Variants in CSMD1 observed in about 807,000 individuals in gnomAD.
The protein encoded by CSMD1 is CUB and sushi domain-containing protein 1.
CSMD1 carries 213 observed loss-of-function variants against 417.5 expected under a neutral mutation model. That is an observed-to-expected ratio of 0.51 (90% CI 0.46 to 0.57). The LOEUF is 0.57. CSMD1 is among the 20% of genes least tolerant of loss of function. CSMD1 has a pLI of 0.00. For synonymous variants in CSMD1, 2,862 were observed against 1,736.8 expected, an observed-to-expected ratio of 1.65 and a Z score of -16.11; for missense variants, 6,923 against 4,529.7, an observed-to-expected ratio of 1.53 and a Z score of -15.17.
At chr8:4,666,085 C>T (rs1563098782) in intron 1 of CSMD1, among the ~76,000 whole-genome samples, 1 of 152,044 alleles carries the variant, frequency 6.6e-6, no homozygotes, top group Non-Finnish European at 1.5e-5. Flanking sequence ...CATTTTGCTT[C>T]TAGGTAACGT....
At chr8:3,249,567 G>A (rs897945582) in intron 26 of CSMD1, among the ~76,000 whole-genome samples, 1 of 151,870 alleles carries the variant, frequency 6.6e-6, no homozygotes, top group African/African-American at 2.4e-5. Context: ...AAATGATCAA[G>A]TCTCAAAAAA....
chr8:3,714,601 G>T (rs1354409874), intron 6 of CSMD1, among the ~76,000 whole-genome samples: 1 of 125,258 alleles, frequency 8.0e-6, no homozygotes, highest in Non-Finnish European at 1.6e-5. Flanking sequence ...GCCAGGCATG[G>T]TGGCGGGCGA....
intron 49 of CSMD1, among the ~76,000 whole-genome samples, chr8:3,063,209 G>C (rs138844446): frequency 5.9e-5 from 9 of 152,194 alleles, no homozygotes; most frequent in Admixed American, 2.0e-4. Context: ...AAGTGGGCTT[G>C]TTGGGCATAC....
intron 3 of CSMD1, among the ~76,000 whole-genome samples, chr8:4,222,447 G>C (rs1483026917): frequency 6.6e-6 from 1 of 151,760 alleles, no homozygotes; most frequent in Non-Finnish European, 1.5e-5. Flanking sequence ...TTTGTGCATT[G>C]TGTAGTACCT....
intron 6 of CSMD1, among the ~76,000 whole-genome samples, chr8:3,715,067 C>T (rs1025057831): frequency 2.0e-5 from 3 of 152,158 alleles, no homozygotes; most frequent in Admixed American, 1.3e-4. Context: ...CCTTCCCCTC[C>T]AAATTTTAAC....
chr8:4,951,874 C>T (rs2117287242), intron 1 of CSMD1, among the ~76,000 whole-genome samples: 1 of 151,132 alleles, frequency 6.6e-6, no homozygotes, highest in Admixed American at 6.6e-5. Context: ...CCTGCATATA[C>T]AATGAGCTAT....
At chr8:4,195,531 G>A (rs1332752419) in intron 3 of CSMD1, among the ~76,000 whole-genome samples, 1 of 152,178 alleles carries the variant, frequency 6.6e-6, no homozygotes, top group Non-Finnish European at 1.5e-5. Context: ...TCTTGACTGT[G>A]AGAAAGACTT....
intron 39 of CSMD1, 145 bp downstream of exon 39, chr8:3,157,752 C>A: frequency 1.5e-6 from 1 of 649,710 alleles, no homozygotes; most frequent in Non-Finnish European, 2.8e-6. Context: ...CATCATTCTG[C>A]TCTACTGCAT....
chr8:3,811,883 T>A (rs1460359893), intron 5 of CSMD1, among the ~76,000 whole-genome samples: 1 of 152,146 alleles, frequency 6.6e-6, no homozygotes, highest in Non-Finnish European at 1.5e-5. Context: ...GTGTTGTGTT[T>A]TTGCTCATTT....
At chr8:3,794,926 T>C (rs955319958) in intron 5 of CSMD1, among the ~76,000 whole-genome samples, 67 of 152,086 alleles carry the variant, frequency 4.4e-4, no homozygotes, top group African/African-American at 1.6e-3. Flanking sequence ...TCATCTTTTC[T>C]AACCTTCTAA....
intron 10 of CSMD1, among the ~76,000 whole-genome samples, chr8:3,571,342 C>T (rs1002513183): frequency 6.6e-6 from 1 of 152,148 alleles, no homozygotes; most frequent in Non-Finnish European, 1.5e-5. Context: ...TAATAGCATA[C>T]ACATCTCCTA....
At chr8:3,250,118 T>G (rs906630090) in intron 26 of CSMD1, among the ~76,000 whole-genome samples, 2 of 152,226 alleles carry the variant, frequency 1.3e-5, no homozygotes, top group Non-Finnish European at 2.9e-5. Context: ...GCAGGTTTGT[T>G]ACATATATAT....
chr8:2,963,152 G>C, intron 60 of CSMD1, 70 bp downstream of exon 60: 1 of 1,531,888 alleles, frequency 6.5e-7, no homozygotes, highest in Non-Finnish European at 9.0e-7. Context: ...GTAACCTTAG[G>C]ATGTGCCCTG....
intron 1 of CSMD1, among the ~76,000 whole-genome samples, chr8:4,761,676 A>G (rs1224026763): frequency 1.3e-5 from 2 of 152,134 alleles, no homozygotes; most frequent in Non-Finnish European, 2.9e-5. Context: ...TATTAAAATA[A>G]TTAGGTGTTT....
chr8:3,708,548 G>A (rs989917773), intron 6 of CSMD1, 57 bp from the exon 7 acceptor site: 8 of 1,455,398 alleles, frequency 5.5e-6, no homozygotes, highest in Middle Eastern at 1.7e-4. Context: ...ATAAAACCAT[G>A]TTGTATCCAC....
intron 3 of CSMD1, among the ~76,000 whole-genome samples, chr8:4,332,723 T>C (rs1486850837): frequency 6.6e-6 from 1 of 151,994 alleles, no homozygotes; most frequent in Non-Finnish European, 1.5e-5. Flanking sequence ...AAGTACTTTT[T>C]CAGTGTGAGT....
chr8:4,057,185 C>G (rs1309392664), intron 3 of CSMD1, among the ~76,000 whole-genome samples: 1 of 152,202 alleles, frequency 6.6e-6, no homozygotes, highest in Non-Finnish European at 1.5e-5. Flanking sequence ...CACATCCTCT[C>G]CAGCACCTGT....
intron 8 of CSMD1, among the ~76,000 whole-genome samples, chr8:3,609,252 T>C (rs566111660): frequency 5.9e-5 from 9 of 152,270 alleles, no homozygotes; most frequent in Middle Eastern, 6.8e-3. Flanking sequence ...AGATGAACAA[T>C]AGATGACAGT....
chr8:4,714,235 C>A (rs1002054256), intron 1 of CSMD1, among the ~76,000 whole-genome samples: 1 of 152,304 alleles, frequency 6.6e-6, no homozygotes, highest in South Asian at 2.1e-4. Context: ...CATTCCGCCA[C>A]CTCCCTGAGA....
Sources: allele counts gnomAD v4.1 joint callset (sites outside exome capture counted in the v4.1 genomes callset), GRCh38; gene constraint gnomAD v4.1.1; transcripts MANE v1.5; gene names NCBI Gene and HGNC (gene_info 2026-07-23, HGNC 2026-07-21).